The following SLC5A3 variants were observed in gnomAD, a reference collection of about 807,000 sequenced individuals.
The protein encoded by SLC5A3 is solute carrier family 5 member 3.
Under a neutral mutation model 43.2 loss-of-function variants are expected in SLC5A3, and 10 were observed. That is an observed-to-expected ratio of 0.23 (90% CI 0.14 to 0.39). The LOEUF (loss-of-function observed/expected upper bound fraction) is 0.39, where lower values mean the gene tolerates loss of function less well. SLC5A3 is among the 10% of genes least tolerant of loss of function. The pLI, the probability that SLC5A3 is intolerant of heterozygous loss-of-function variation, is 1.00. For missense variants in SLC5A3, 608 were observed against 893.4 expected, an observed-to-expected ratio of 0.68 and a Z score of 4.07; for synonymous variants, 349 against 322.0, an observed-to-expected ratio of 1.08 and a Z score of -0.90.
At position 34,073,688 on chromosome 21, in the gene SLC5A3, C is replaced by T. The variant is rs997707764; in HGVS notation, c.-394C>T. 1.3e-6 allele frequency: 2 copies of T among 1,518,528 alleles called. No individual in the cohort carries two copies. The highest frequency in any genetic ancestry group is 1.8e-6 in the Non-Finnish European group (2 of 1,125,416). The allele number at this position is 1,518,528 out of a possible 1,614,324, so 94.1% of individuals were successfully genotyped here. A position where few individuals can be genotyped will look rare whatever the true frequency, so the allele number is the denominator to read the frequency against. On this transcript the variant is annotated 5_prime_UTR_variant, in exon 1 of 2. Coordinates refer to ENST00000381151, the MANE Select transcript of SLC5A3 (RefSeq NM_006933.7). ...CGGCTGGCTTCCGAGCCGCACTCGC[C>T]GATCCTCCAGGCATGCCCCGCTACG... is the stretch of plus-strand genomic sequence containing the variant.
At position 34,097,570 on chromosome 21, in the gene SLC5A3, A is replaced by C; in HGVS notation, c.*215A>C. The C allele has an allele frequency of 7.5e-7, 1 of 1,329,258 alleles. No homozygotes were observed. Among genetic ancestry groups the C allele is most frequent in the Non-Finnish European group, 9.7e-7 (1 of 1,034,312 alleles). The allele number at this position is 1,329,258 out of a possible 1,614,324, so 82.3% of individuals were successfully genotyped here. A position where few individuals can be genotyped will look rare whatever the true frequency, so the allele number is the denominator to read the frequency against. ...AGTGAAGCCAAACCTAACAGACTGAATTGTGCAAATGTGGTTTTAAATTTT... is the reference window on the plus strand; with the variant it reads ...AGTGAAGCCAAACCTAACAGACTGACTTGTGCAAATGTGGTTTTAAATTTT... On this transcript the variant is annotated 3_prime_UTR_variant, in exon 2 of 2. Coordinates refer to ENST00000381151, the MANE Select transcript of SLC5A3 (RefSeq NM_006933.7).
Position 34,106,140 on chromosome 21 carries a change from A to G in SLC5A3, c.*8785A>G, listed in dbSNP as rs1024086432. ...AAAAGTATTTGGAAACTTAAGATGAACTACATTTCTTGCAAAGTACATTCC... is the reference window on the plus strand; with the variant it reads ...AAAAGTATTTGGAAACTTAAGATGAGCTACATTTCTTGCAAAGTACATTCC... On this transcript the variant is annotated 3_prime_UTR_variant, in exon 2 of 2. Coordinates refer to ENST00000381151, the MANE Select transcript of SLC5A3 (RefSeq NM_006933.7). 5 of 995,184 alleles carry G rather than the reference A, an allele frequency of 5.0e-6. No homozygotes were observed. The African/African-American group carries it at 7.0e-5, about 14-fold the overall frequency. 61.6% of individuals were successfully genotyped at this position (995,184 alleles called of 1,614,324 possible). A position where few individuals can be genotyped will look rare whatever the true frequency, so the allele number is the denominator to read the frequency against.
intron 1 of SLC5A3, among the ~76,000 whole-genome samples, chr21:34,078,427 A>T (rs1454929699): frequency 2.0e-5 from 3 of 152,140 alleles, no homozygotes; most frequent in Non-Finnish European, 2.9e-5. Flanking sequence ...CTTCCTCACC[A>T]GATATGGTTT....
intron 1 of SLC5A3, among the ~76,000 whole-genome samples, chr21:34,075,213 TTTTG>T (rs1308104775): frequency 6.6e-6 from 1 of 152,230 alleles, no homozygotes; most frequent in Non-Finnish European, 1.5e-5. Flanking sequence ...CTGAAATTCC[TTTTG>T]TTTACTTTCC....
At chr21:34,075,828 A>G (rs1048370999) in intron 1 of SLC5A3, among the ~76,000 whole-genome samples, 38 of 152,188 alleles carry the variant, frequency 2.5e-4, no homozygotes, top group Admixed American at 1.3e-4. Flanking sequence ...TAGGATTCTA[A>G]AATAGGATGA....
At position 34,104,235 on chromosome 21, in the gene SLC5A3, T is replaced by C; in HGVS notation, c.*6880T>C. On this transcript the variant is annotated 3_prime_UTR_variant, in exon 2 of 2. Transcript: ENST00000381151. ...ATATTTGCTAGAGGAGCTACTTTGC[T>C]TTTCACAATGGGGTGGAGAGGATTC... 1.0e-6 allele frequency: 1 copy of C among 1,000,186 alleles called. No individual in the cohort carries two copies. Among genetic ancestry groups the C allele is most frequent in the Non-Finnish European group, 1.2e-6 (1 of 829,938 alleles). The allele number at this position is 1,000,186 out of a possible 1,614,324, so 62.0% of individuals were successfully genotyped here.
rs878861688 is a variant in SLC5A3 at position 34,103,459 on chromosome 21, T to C, written c.*6104T>C. Reference sequence around the variant, plus strand: ...TCCATTAAAAACTTAAAGTTACTTATGTTCTGTGATCTTAATTTTGTTGTG... The same window carrying C: ...TCCATTAAAAACTTAAAGTTACTTACGTTCTGTGATCTTAATTTTGTTGTG... On this transcript the variant is annotated 3_prime_UTR_variant, in exon 2 of 2. Transcript: ENST00000381151. 1.2e-5 allele frequency: 12 copies of C among 998,700 alleles called. No homozygotes were observed. The highest frequency in any genetic ancestry group is 5.2e-4 in the Middle Eastern group (1 of 1,936). The allele number at this position is 998,700 out of a possible 1,614,324, so 61.9% of individuals were successfully genotyped here.
chr21:34,073,657 G>C lies in SLC5A3; in HGVS notation c.-425G>C, dbSNP rs560767215. On this transcript the variant is annotated 5_prime_UTR_variant, in exon 1 of 2. Coordinates refer to ENST00000381151, the MANE Select transcript of SLC5A3 (RefSeq NM_006933.7). ...CCGCCGTCCCGCCCCTTCGCGTCCC[G>C]GGAACCGGCTGGCTTCCGAGCCGCA... is the stretch of plus-strand genomic sequence containing the variant. 2 of 1,508,208 alleles carry C rather than the reference G, an allele frequency of 1.3e-6. No individual in the cohort carries two copies. The highest frequency in any genetic ancestry group is 5.4e-5 in the East Asian group (2 of 36,798). The allele number at this position is 1,508,208 out of a possible 1,614,324, so 93.4% of individuals were successfully genotyped here.
intron 1 of SLC5A3, among the ~76,000 whole-genome samples, chr21:34,083,912 T>C (rs540430421): frequency 1.7e-4 from 26 of 152,370 alleles, no homozygotes; most frequent in African/African-American, 6.0e-4. Flanking sequence ...TTTCTTGTCA[T>C]CTGGCATACA....
chr21:34,097,008 A>G lies in SLC5A3; in HGVS notation c.1810A>G (p.Asn604Asp), dbSNP rs1978994835. Residue 604 changes from asparagine to aspartate, a missense_variant, in exon 2 of 2, where the codon AAT (asparagine) becomes GAT (aspartate). Around this residue, in one of 2 missense-constraint regions of SLC5A3, gnomAD observed 210 missense variants for 224.8 expected, o/e 0.93. Coordinates refer to ENST00000381151, the MANE Select transcript of SLC5A3 (RefSeq NM_006933.7). ...SIKGLQPEDV[N>D]LLVTCREEGN... The stretch of plus-strand genomic sequence containing the variant: ...TAAGGGCCTTCAGCCTGAAGATGTT[A>G]ATCTGTTGGTAACCTGCAGAGAGGA... The G allele has an allele frequency of 1.9e-6, 3 of 1,614,090 alleles. No individual in the cohort carries two copies. The highest frequency in any genetic ancestry group is 2.5e-6 in the Non-Finnish European group (3 of 1,179,976).
chr21:34,080,317 A>G (rs138388534), intron 1 of SLC5A3, among the ~76,000 whole-genome samples: 48 of 152,332 alleles, frequency 3.2e-4, no homozygotes, highest in African/African-American at 1.1e-3. Flanking sequence ...AGTCACATCC[A>G]AGGCTGTCTC....
At chr21:34,078,287 C>T (rs1989380990) in intron 1 of SLC5A3, among the ~76,000 whole-genome samples, 1 of 152,056 alleles carries the variant, frequency 6.6e-6, no homozygotes, top group Admixed American at 6.6e-5. Context: ...CAATGTTATA[C>T]TTTCATTTGG....
Position 34,073,595 on chromosome 21 carries a change from G to T in SLC5A3, c.-487G>T, listed in dbSNP as rs562841272. The T allele has an allele frequency of 4.0e-6, 4 of 991,584 alleles. No homozygotes were observed. In the Admixed American group the frequency reaches 9.7e-5, roughly 24 times the overall value. The allele number at this position is 991,584 out of a possible 1,614,324, so 61.4% of individuals were successfully genotyped here. On this transcript the variant is annotated 5_prime_UTR_variant, in exon 1 of 2. Transcript: ENST00000381151. Reference sequence around the variant, plus strand: ...CGGACCGTGCTTTCGCCGCCTGGGAGCCGTCCGGCGCAGCAGTTTCTAGGT... The same window carrying T: ...CGGACCGTGCTTTCGCCGCCTGGGATCCGTCCGGCGCAGCAGTTTCTAGGT...
rs894855193 is a variant in SLC5A3, at chr21:34,102,457, TAACC to T, written c.*5106_*5109del. On this transcript the variant is annotated 3_prime_UTR_variant, in exon 2 of 2. Coordinates refer to ENST00000381151, the MANE Select transcript of SLC5A3 (RefSeq NM_006933.7). ...TGGGGTAAGCACCTAATTTATCCAG[TAACC>T]AACAACCCTAACCATTGGCATATAT... The T allele has an allele frequency of 1.0e-6, 1 of 1,000,008 alleles. No homozygotes were observed. The highest frequency in any genetic ancestry group is 1.7e-5 in the African/African-American group (1 of 57,224). 61.9% of individuals were successfully genotyped at this position (1,000,008 alleles called of 1,614,324 possible).
chr21:34,074,577 C>G (rs1024024325), intron 1 of SLC5A3, among the ~76,000 whole-genome samples: 1 of 152,244 alleles, frequency 6.6e-6, no homozygotes, highest in Non-Finnish European at 1.5e-5. Flanking sequence ...AGGCAGCTCA[C>G]TTCGTCCTCT....
At chr21:34,077,011 A>G (rs553192611) in intron 1 of SLC5A3, among the ~76,000 whole-genome samples, 1 of 152,296 alleles carries the variant, frequency 6.6e-6, no homozygotes, top group South Asian at 2.1e-4. Context: ...TGGAAAAAGA[A>G]ATGGATTGCC....
In SLC5A3 at chr21:34,103,202, A is replaced by G; in HGVS notation, c.*5847A>G. 1 of 999,888 alleles carries G rather than the reference A, an allele frequency of 1.0e-6. No homozygotes were observed. The highest frequency in any genetic ancestry group is 1.2e-6 in the Non-Finnish European group (1 of 829,866). The allele number at this position is 999,888 out of a possible 1,614,324, so 61.9% of individuals were successfully genotyped here. A position where few individuals can be genotyped will look rare whatever the true frequency, so the allele number is the denominator to read the frequency against. ...CAGCTTTTGAAATTTATGTGTTTGGATTAGTGCCTTCTGGTTACCAGTATT... is the reference window on the plus strand; with the variant it reads ...CAGCTTTTGAAATTTATGTGTTTGGGTTAGTGCCTTCTGGTTACCAGTATT... On this transcript the variant is annotated 3_prime_UTR_variant, in exon 2 of 2. Coordinates refer to ENST00000381151, the MANE Select transcript of SLC5A3 (RefSeq NM_006933.7).
chr21:34,104,315 G>A lies in SLC5A3; in HGVS notation c.*6960G>A, dbSNP rs890789909. 2.0e-6 allele frequency: 2 copies of A among 999,904 alleles called. No homozygotes were observed. 61.9% of individuals were successfully genotyped at this position (999,904 alleles called of 1,614,324 possible). A position where few individuals can be genotyped will look rare whatever the true frequency, so the allele number is the denominator to read the frequency against. On this transcript the variant is annotated 3_prime_UTR_variant, in exon 2 of 2. Transcript: ENST00000381151. ...TCTAGATGAGATGAAATCTGTTAAT[G>A]TGTGTGTAGAAGAAAACGTATGTTC...
At position 34,104,818 on chromosome 21, in the gene SLC5A3, C is replaced by G. The variant is rs1419876477; in HGVS notation, c.*7463C>G. The stretch of plus-strand genomic sequence containing the variant: ...CTGTTAATCCTACGTACTATGTGTT[C>G]TGTACCTTTACATGTTTTTAAATTT... On this transcript the variant is annotated 3_prime_UTR_variant, in exon 2 of 2. Coordinates refer to ENST00000381151, the MANE Select transcript of SLC5A3 (RefSeq NM_006933.7). The G allele has an allele frequency of 8.0e-6, 8 of 999,922 alleles. No homozygotes were observed. The highest frequency in any genetic ancestry group is 9.6e-6 in the Non-Finnish European group (8 of 829,680). The allele number at this position is 999,922 out of a possible 1,614,324, so 61.9% of individuals were successfully genotyped here. A position where few individuals can be genotyped will look rare whatever the true frequency, so the allele number is the denominator to read the frequency against.
Sources: gnomAD v4.1 joint callset for allele counts (sites outside exome capture counted in the v4.1 genomes callset) on GRCh38, gnomAD v4.1.1 for gene constraint, gnomAD v4.1.1 regional missense constraint, MANE v1.5 for transcripts, NCBI Gene and HGNC (gene_info 2026-07-23, HGNC 2026-07-21) for gene names.